The following IFT140 variants were observed in gnomAD, a reference collection of about 807,000 sequenced individuals.
The protein encoded by IFT140 is intraflagellar transport protein 140 homolog.
Under a neutral mutation model 164.6 loss-of-function variants are expected in IFT140, and 133 were observed. The ratio of observed to expected loss-of-function variants is 0.81; its 90% CI spans 0.70 to 0.93. The LOEUF is 0.93. Ranked by LOEUF, IFT140 falls within the 40% of genes least tolerant of loss-of-function variation. The probability of loss-of-function intolerance (pLI) is 0.00; values close to 1 mark genes in which losing one functional copy is unlikely to be tolerated. For missense variants in IFT140, 2,045 were observed against 1,972.3 expected (o/e 1.04, Z -0.70); for synonymous variants, 860 against 817.3 (o/e 1.05, Z -0.89).
At chr16:1,538,816 C>T (rs536847266) in intron 19 of IFT140, among the ~76,000 whole-genome samples, 29 of 152,302 alleles carry the variant, frequency 1.9e-4, no homozygotes, top group African/African-American at 6.3e-4. Flanking sequence ...GCAGGCTGTA[C>T]GTGGTCACTG....
Position 1,557,988 on chromosome 16 carries a change from AAAG to A in IFT140, c.2343_2345del (p.Phe782del). The A allele has an allele frequency of 6.2e-7, 1 of 1,613,948 alleles. No individual in the cohort carries two copies. Among genetic ancestry groups the A allele is most frequent in the Non-Finnish European group, 8.5e-7 (1 of 1,180,040 alleles). On this transcript the variant is annotated inframe_deletion, in exon 19 of 31. Coordinates refer to ENST00000426508, the MANE Select transcript of IFT140 (RefSeq NM_014714.4). ...CTTCGTCCATGTCTCCTATGGTGACAAAGAAGCTGAAGTGGAGCATGGCGTCCC... is the reference window on the plus strand; with the variant it reads ...CTTCGTCCATGTCTCCTATGGTGACAAAGCTGAAGTGGAGCATGGCGTCCC...
intron 4 of IFT140, among the ~76,000 whole-genome samples, chr16:1,594,708 C>T (rs1334298953): frequency 6.6e-6 from 1 of 152,218 alleles, no homozygotes; most frequent in Non-Finnish European, 1.5e-5. Context: ...GGGAGGACGG[C>T]TCCACAGGGA....
rs556015277 is a variant in IFT140 at position 1,541,835 on chromosome 16, C to T, written c.2400-15039G>A. On this transcript the variant is annotated intron_variant, in intron 19 of 30. Coordinates refer to ENST00000426508, the MANE Select transcript of IFT140 (RefSeq NM_014714.4). ...TGCCGACCGCCCTTTCCGAGGCAAA[C>T]AGAGACCACGAAAGTGGCGTGACGG... 307 of 1,454,836 alleles carry T rather than the reference C, an allele frequency of 2.1e-4. 2 individuals are homozygous for T. In the South Asian group the frequency reaches 3.5e-3, roughly 17 times the overall value. The allele number at this position is 1,454,836 out of a possible 1,614,324, so 90.1% of individuals were successfully genotyped here. A position where few individuals can be genotyped will look rare whatever the true frequency, so the allele number is the denominator to read the frequency against.
At chr16:1,584,933 C>T (rs543661515) in intron 10 of IFT140, among the ~76,000 whole-genome samples, 27 of 152,136 alleles carry the variant, frequency 1.8e-4, no homozygotes, top group Admixed American at 7.2e-4. Context: ...TCAGAAACTG[C>T]TCTGAAAGGG....
At chr16:1,534,695 A>AG in intron 19 of IFT140, 1 of 1,269,952 alleles carries the variant, frequency 7.9e-7, no homozygotes, top group Non-Finnish European at 1.1e-6. Context: ...GGCAGGCAGG[A>AG]GGGGGCACTG....
intron 30 of IFT140, 45 bp downstream of exon 30, chr16:1,518,171 C>T: frequency 5.0e-6 from 8 of 1,595,996 alleles, no homozygotes; most frequent in East Asian, 2.2e-5. Flanking sequence ...GTTTCAGGAG[C>T]CTTGTGTGGC....
chr16:1,524,122 C>G (rs2040603470), intron 24 of IFT140, 166 bp from the exon 25 acceptor site: 1 of 885,954 alleles, frequency 1.1e-6, no homozygotes, highest in Non-Finnish European at 1.7e-6. Flanking sequence ...CTGGGTTTGT[C>G]TACAAGGATT....
At chr16:1,518,478 A>G (rs937383734) in intron 29 of IFT140, 121 bp from the exon 30 acceptor site, 5 of 888,350 alleles carry the variant, frequency 5.6e-6, no homozygotes, top group East Asian at 5.7e-5. Context: ...GAAACTTTCT[A>G]TGAAGTTAAA....
intron 19 of IFT140, among the ~76,000 whole-genome samples, chr16:1,544,864 G>A (rs895373345): frequency 3.4e-4 from 51 of 151,886 alleles, no homozygotes; most frequent in Admixed American, 3.2e-3. Flanking sequence ...TAGCCAGGAT[G>A]GTCTCGATCT....
intron 13 of IFT140, chr16:1,578,071 A>C (rs1000054343): frequency 1.3e-5 from 2 of 152,068 alleles, no homozygotes; most frequent in Non-Finnish European, 2.9e-5. Context: ...GCAGGAAAAC[A>C]TGTGGTCGCG....
intron 19 of IFT140, among the ~76,000 whole-genome samples, chr16:1,536,513 A>T (rs1202626111): frequency 2.0e-5 from 3 of 152,236 alleles, no homozygotes; most frequent in Non-Finnish European, 4.4e-5. Context: ...GAACCTGAGC[A>T]GCGAAGGTTT....
chr16:1,568,274 GC>G lies in IFT140; in HGVS notation c.1712del (p.Gly571AlafsTer39). On this transcript the variant is annotated frameshift_variant, in exon 15 of 31. Coordinates refer to ENST00000426508, the MANE Select transcript of IFT140 (RefSeq NM_014714.4). LOFTEE classifies it high-confidence loss of function. ...SLAELVPGVG[G>X]IASLRCSSSG... ...TGCTGCTGCACCGCAGAGAAGCGAT[GC>G]CCCCCACCCCAGGGACCAGCTCCGC... The G allele has an allele frequency of 6.2e-7, 1 of 1,613,434 alleles. No homozygotes were observed.
intron 19 of IFT140, among the ~76,000 whole-genome samples, chr16:1,547,924 G>A (rs958955971): frequency 6.6e-6 from 1 of 152,160 alleles, no homozygotes; most frequent in Non-Finnish European, 1.5e-5. Context: ...TGATCCTCCC[G>A]CTTCAGCCTC....
chr16:1,531,108 T>G lies in IFT140; in HGVS notation c.2400-4312A>C, dbSNP rs2030440884. ...CCTCTCCGCGACGGCCGGCCAGGGC[T>G]CTCGGGACAGCCTCCACTCCGGTGT... On this transcript the variant is annotated intron_variant, in intron 19 of 30. Transcript: ENST00000426508. The surrounding 1 kb of genome is among the most constrained non-coding windows in gnomAD (Gnocchi z 4.7). 1 of 152,288 alleles carries G rather than the reference T, an allele frequency of 6.6e-6. No individual in the cohort carries two copies. Among genetic ancestry groups the G allele is most frequent in the Non-Finnish European group, 1.5e-5 (1 of 68,128 alleles). The allele number at this position is 152,288 out of a possible 1,614,324, so 9.4% of individuals were successfully genotyped here.
At chr16:1,516,026 G>A (rs2040326497) in intron 30 of IFT140, among the ~76,000 whole-genome samples, 1 of 151,772 alleles carries the variant, frequency 6.6e-6, no homozygotes, top group African/African-American at 2.4e-5. Flanking sequence ...TGTAATCCCA[G>A]CTACTCCGGA....
chr16:1,554,404 C>A (rs1006286831), intron 19 of IFT140, among the ~76,000 whole-genome samples: 49 of 152,194 alleles, frequency 3.2e-4, no homozygotes, highest in African/African-American at 1.2e-3. Context: ...AGGAAAGGCC[C>A]CCCCAAGTTG....
rs530878803 is a variant in IFT140 at position 1,573,745 on chromosome 16, A to AGGCT, written c.1525-2215_1525-2212dup. 1.8e-4 allele frequency among the ~76,000 whole-genome samples: 27 copies of AGGCT among 152,308 alleles called. No individual in the cohort carries two copies. In the East Asian group the frequency reaches 5.0e-3, roughly 28 times the overall value. ...CTGCTGGTGGCTGCTGCCTGGGGCCAGGCTGAGCTGCTCTCCTGCGGCGTC... is the reference window on the plus strand; with the variant it reads ...CTGCTGGTGGCTGCTGCCTGGGGCCAGGCTGGCTGAGCTGCTCTCCTGCGGCGTC... On this transcript the variant is annotated intron_variant, in intron 13 of 30. Transcript: ENST00000426508.
At chr16:1,525,645 A>G (rs1296386376) in intron 21 of IFT140, among the ~76,000 whole-genome samples, 1 of 152,200 alleles carries the variant, frequency 6.6e-6, no homozygotes, top group African/African-American at 2.4e-5. Flanking sequence ...GGCAACTGAC[A>G]CCACCAATGG....
intron 4 of IFT140, among the ~76,000 whole-genome samples, chr16:1,601,928 G>T (rs1228520222): frequency 6.6e-6 from 1 of 152,210 alleles, no homozygotes; most frequent in African/African-American, 2.4e-5. Context: ...GCTATGCTGT[G>T]GGTCTGTCCT....
Sources: allele counts gnomAD v4.1 joint callset (sites outside exome capture counted in the v4.1 genomes callset), GRCh38; gene constraint gnomAD v4.1.1; non-coding constraint Gnocchi (gnomAD v3.1); transcripts MANE v1.5; gene names NCBI Gene and HGNC (gene_info 2026-07-23, HGNC 2026-07-21).